CPQ: variants seen among roughly 807,000 people sequenced by gnomAD.
CPQ encodes the protein Ser-Met dipeptidase.
Under a neutral mutation model 45.7 loss-of-function variants are expected in CPQ, and 37 were observed. The observed-to-expected ratio is 0.81, with a 90% CI of 0.62 to 1.07. CPQ has a LOEUF of 1.07. Among genes scored for constraint, CPQ ranks in the 50% least tolerant of loss-of-function variants. The probability of loss-of-function intolerance (pLI) is 0.00; values close to 1 mark genes in which losing one functional copy is unlikely to be tolerated. For missense variants in CPQ, 537 were observed against 572.9 expected, an observed-to-expected ratio of 0.94 and a Z score of 0.64; for synonymous variants, 186 against 205.8, an observed-to-expected ratio of 0.90 and a Z score of 0.82.
chr8:97,064,151 G>C (rs1586522492), intron 6 of CPQ, among the ~76,000 whole-genome samples: 1 of 152,088 alleles, frequency 6.6e-6, no homozygotes, highest in East Asian at 1.9e-4. Context: ...TGATTTTCTT[G>C]TTGGAAGAAT....
At chr8:97,069,368 C>G (rs1810696258) in intron 7 of CPQ, among the ~76,000 whole-genome samples, 1 of 151,668 alleles carries the variant, frequency 6.6e-6, no homozygotes, top group African/African-American at 2.4e-5. Context: ...GTGGCTTACC[C>G]CTGTAATCCC....
intron 5 of CPQ, among the ~76,000 whole-genome samples, chr8:96,991,620 G>A: frequency 6.6e-6 from 1 of 150,742 alleles, no homozygotes; most frequent in East Asian, 1.9e-4. Context: ...CCTACATCTA[G>A]CTATAATTAT....
intron 1 of CPQ, among the ~76,000 whole-genome samples, chr8:96,666,429 G>A (rs764097350): frequency 2.0e-5 from 3 of 152,190 alleles, no homozygotes; most frequent in South Asian, 2.1e-4. Context: ...GTATACCAAC[G>A]CCAGGAAAGA....
chr8:96,823,573 T>A (rs1351778811), intron 2 of CPQ, among the ~76,000 whole-genome samples: 2 of 152,082 alleles, frequency 1.3e-5, no homozygotes, highest in African/African-American at 2.4e-5. Context: ...TATTTTACTA[T>A]ACTTTCTTCC....
At chr8:96,934,616 T>C (rs1343122711) in intron 4 of CPQ, among the ~76,000 whole-genome samples, 2 of 152,190 alleles carry the variant, frequency 1.3e-5, no homozygotes, top group Non-Finnish European at 2.9e-5. Flanking sequence ...TTCATCTTAA[T>C]GTGAGCAACC....
chr8:96,754,684 T>C (rs75880524), intron 1 of CPQ, among the ~76,000 whole-genome samples: 13,859 of 152,098 alleles, frequency 0.091, 868 homozygotes, highest in African/African-American at 0.17. Context: ...ATTGAAATTT[T>C]TAAATTTGTT....
chr8:96,846,325 A>AT (rs1449950063), intron 3 of CPQ, among the ~76,000 whole-genome samples: 3 of 152,038 alleles, frequency 2.0e-5, no homozygotes, highest in South Asian at 2.1e-4. Flanking sequence ...CCCATCTATA[A>AT]TTTTTTTAAA....
At chr8:97,109,860 C>T (rs1190970163) in intron 7 of CPQ, among the ~76,000 whole-genome samples, 1 of 152,142 alleles carries the variant, frequency 6.6e-6, no homozygotes, top group Admixed American at 6.5e-5. Context: ...TACCTTCTAT[C>T]TCCATTTCTT....
rs1811513674 is a variant in CPQ, at chr8:96,835,167, T to C, written c.628T>C (p.Phe210Leu). ...ATCTCTCATTCGATCCGTGGCCTCC[T>C]TCTCCATCTACAGGTTTGTCACAAT... ...LASLIRSVAS[F>L]SIYSPHTGIQ... is the part of the protein sequence containing the mutation. The change falls in exon 3 of 8, where the codon TTC (phenylalanine) becomes CTC (leucine). Residue 210 changes from phenylalanine to leucine, a missense_variant. Coordinates refer to ENST00000220763, the MANE Select transcript of CPQ (RefSeq NM_016134.4). 2 of 1,504,886 alleles carry C rather than the reference T, an allele frequency of 1.3e-6. No homozygotes were observed. Among genetic ancestry groups the C allele is most frequent in the Non-Finnish European group, 8.9e-7 (1 of 1,121,072 alleles). The allele number at this position is 1,504,886 out of a possible 1,614,324, so 93.2% of individuals were successfully genotyped here. A position where few individuals can be genotyped will look rare whatever the true frequency, so the allele number is the denominator to read the frequency against.
At chr8:96,730,754 G>C (rs374740065) in intron 1 of CPQ, among the ~76,000 whole-genome samples, 1 of 151,290 alleles carries the variant, frequency 6.6e-6, no homozygotes, top group African/African-American at 2.4e-5. Flanking sequence ...AATTCTGATA[G>C]AATTTGTCTC....
Position 97,102,425 on chromosome 8 carries a change from G to T in CPQ, c.1255+36215G>T, listed in dbSNP as rs190817548. ...GAAAAGAATGAGGACCAGAGTGATT[G>T]TATATGTTGCTGTTTCTCGCTATTC... On this transcript the variant is annotated intron_variant, in intron 7 of 7. Transcript: ENST00000220763. Among the ~76,000 whole-genome samples, 251 of 152,278 alleles carry T rather than the reference G, an allele frequency of 1.6e-3. 3 individuals carry two copies. Among genetic ancestry groups the T allele is most frequent in the Admixed American group, 0.013 (194 of 15,282 alleles).
At chr8:96,779,460 A>C (rs773306280) in intron 1 of CPQ, among the ~76,000 whole-genome samples, 5 of 152,188 alleles carry the variant, frequency 3.3e-5, no homozygotes, top group Admixed American at 2.0e-4. Context: ...ATAATCCTCC[A>C]GGAAGTCTGT....
intron 1 of CPQ, among the ~76,000 whole-genome samples, chr8:96,647,379 T>C (rs1296750141): frequency 6.6e-6 from 1 of 152,220 alleles, no homozygotes; most frequent in East Asian, 1.9e-4. Flanking sequence ...CTGATATTTA[T>C]GGGGCACTGA....
chr8:97,123,174 AAAT>A (rs1430822904), intron 7 of CPQ, among the ~76,000 whole-genome samples: 564 of 59,936 alleles, frequency 9.4e-3, no homozygotes, highest in Non-Finnish European at 0.014. Flanking sequence ...AAATAAAATA[AAAT>A]ATAAAATAAA....
chr8:96,857,130 A>G (rs1811862269), intron 3 of CPQ, among the ~76,000 whole-genome samples: 1 of 152,194 alleles, frequency 6.6e-6, no homozygotes, highest in Admixed American at 6.5e-5. Context: ...GATTGCTAAT[A>G]GGCATGGGTA....
At chr8:96,863,456 C>T (rs1736052181) in intron 3 of CPQ, among the ~76,000 whole-genome samples, 1 of 151,808 alleles carries the variant, frequency 6.6e-6, no homozygotes, top group African/African-American at 2.4e-5. Context: ...TAAGTGTCTG[C>T]TTATACAGGT....
At chr8:96,657,919 G>A (rs984407020) in intron 1 of CPQ, among the ~76,000 whole-genome samples, 1 of 152,110 alleles carries the variant, frequency 6.6e-6, no homozygotes, top group African/African-American at 2.4e-5. Flanking sequence ...TGTGCCCAGA[G>A]CATCATTTTG....
chr8:97,119,328 C>CAAAAAAAAAAAAAAAAAAAAAA, intron 7 of CPQ, among the ~76,000 whole-genome samples: 1 of 72,332 alleles, frequency 1.4e-5, no homozygotes, highest in Non-Finnish European at 2.8e-5. Context: ...GACTCCATCT[C>CAAAAAAAAAAAAAAAAAAAAAA]AAAAAAAAAA....
intron 7 of CPQ, among the ~76,000 whole-genome samples, chr8:97,094,232 A>C (rs1305683457): frequency 1.3e-5 from 2 of 152,208 alleles, no homozygotes; most frequent in East Asian, 3.8e-4. Context: ...TTGAGTTTAA[A>C]GGCTCCAATT....
Sources: gnomAD v4.1 joint callset for allele counts (sites outside exome capture counted in the v4.1 genomes callset) on GRCh38, gnomAD v4.1.1 for gene constraint, MANE v1.5 for transcripts, NCBI Gene and HGNC (gene_info 2026-07-23, HGNC 2026-07-21) for gene names.